Variants in ANKRD24 observed in about 807,000 individuals in gnomAD.
The protein encoded by ANKRD24 is ankyrin repeat domain-containing protein 24.
Under a neutral mutation model 127.8 loss-of-function variants are expected in ANKRD24, and 109 were observed. The ratio of observed to expected loss-of-function variants is 0.85; its 90% CI spans 0.73 to 1.00. The LOEUF is 1.00. Ranked by LOEUF, ANKRD24 falls within the 50% of genes least tolerant of loss-of-function variation. The pLI is 0.00. For synonymous variants in ANKRD24, 743 were observed against 671.1 expected, an observed-to-expected ratio of 1.11 and a Z score of -1.66; for missense variants, 1,648 against 1,570.2, an observed-to-expected ratio of 1.05 and a Z score of -0.84.
At chr19:4,219,450 G>C in intron 18 of ANKRD24, 141 bp from the exon 19 acceptor site, 1 of 895,278 alleles carries the variant, frequency 1.1e-6, no homozygotes, top group South Asian at 2.2e-5. Flanking sequence ...CAGGAGTGCA[G>C]GTCCGGAGCA....
At chr19:4,218,502 G>A (rs1170688536) in intron 18 of ANKRD24, among the ~76,000 whole-genome samples, 4 of 151,792 alleles carry the variant, frequency 2.6e-5, no homozygotes, top group Non-Finnish European at 5.9e-5. Flanking sequence ...AGTTCACCGT[G>A]TTGGCCAGGC....
At position 4,198,475 on chromosome 19, in the gene ANKRD24, G is replaced by A. The variant is rs1226744702; in HGVS notation, c.37-1208G>A. The A allele has an allele frequency of 4.9e-6, 3 of 616,898 alleles. No individual in the cohort carries two copies. The highest frequency in any genetic ancestry group is 8.7e-6 in the Non-Finnish European group (3 of 342,928). 38.2% of individuals were successfully genotyped at this position (616,898 alleles called of 1,614,324 possible). A position where few individuals can be genotyped will look rare whatever the true frequency, so the allele number is the denominator to read the frequency against. ...TCTTGGAACCCCGTGCGCCCCCCGC[G>A]CCCCGCGCCCCGGACGCCATGAAGC... On this transcript the variant is annotated intron_variant, in intron 2 of 21. Coordinates refer to ENST00000318934, the MANE Select transcript of ANKRD24 (RefSeq NM_001393985.1). The surrounding 1 kb of genome is among the most constrained non-coding windows in gnomAD (Gnocchi z 6.1).
Position 4,217,224 on chromosome 19 carries a change from T to C in ANKRD24, c.2064T>C (p.Ser688=). ...RATGMESTGV[S]ATGVENPGVE... ...CAGGGATGGAATCCACAGGAGTCAG[T>C]GCCACAGGTGTGGAGAACCCAGGGG... Residue 688 remains serine (S), a synonymous_variant, in exon 18 of 22, where the codon AGT becomes AGC. Transcript: ENST00000318934. The C allele has an allele frequency of 1.2e-6, 2 of 1,600,996 alleles. No individual in the cohort carries two copies. Among genetic ancestry groups the C allele is most frequent in the African/African-American group, 1.3e-5 (1 of 74,722 alleles).
intron 2 of ANKRD24, among the ~76,000 whole-genome samples, chr19:4,192,020 C>T (rs1312738685): frequency 6.6e-6 from 1 of 151,832 alleles, no homozygotes; most frequent in East Asian, 1.9e-4. Context: ...AACTACTGAC[C>T]TCCAATGAGC....
intron 2 of ANKRD24, among the ~76,000 whole-genome samples, chr19:4,193,192 C>T (rs1356204071): frequency 2.7e-5 from 4 of 148,280 alleles, no homozygotes; most frequent in African/African-American, 5.0e-5. Context: ...ATCCCAGCTA[C>T]TCAGGAGTCT....
intron 2 of ANKRD24, among the ~76,000 whole-genome samples, chr19:4,188,412 CTCTT>C (rs761428180): frequency 2.1e-4 from 25 of 116,392 alleles, no homozygotes; most frequent in Non-Finnish European, 3.2e-4. Flanking sequence ...GAGACAGAGT[CTCTT>C]TCTGTCACCC....
intron 1 of ANKRD24, 195 bp from the exon 2 acceptor site, chr19:4,186,195 A>C: frequency 7.8e-7 from 1 of 1,276,042 alleles, no homozygotes; most frequent in Non-Finnish European, 1.0e-6. Flanking sequence ...AGATGAGGGA[A>C]GTAAAACAGA....
At position 4,198,487 on chromosome 19, in the gene ANKRD24, G is replaced by C. The variant is rs142917916; in HGVS notation, c.37-1196G>C. On this transcript the variant is annotated intron_variant, in intron 2 of 21. Transcript: ENST00000318934. The surrounding 1 kb of genome is among the most constrained non-coding windows in gnomAD (Gnocchi z 6.1). ...GTGCGCCCCCCGCGCCCCGCGCCCC[G>C]GACGCCATGAAGCAGCTGTGTCTGT... 1.2e-3 allele frequency: 757 copies of C among 621,808 alleles called. 3 individuals are homozygous for C. The highest frequency in any genetic ancestry group is 5.0e-3 in the Middle Eastern group (13 of 2,588). 38.5% of individuals were successfully genotyped at this position (621,808 alleles called of 1,614,324 possible).
intron 2 of ANKRD24, among the ~76,000 whole-genome samples, chr19:4,188,950 G>A (rs1436871454): frequency 1.3e-5 from 2 of 152,154 alleles, no homozygotes; most frequent in Non-Finnish European, 2.9e-5. Context: ...TGGGACTACA[G>A]GCGCCTGCCA....
At chr19:4,222,977 A>T (rs1970523643) in intron 20 of ANKRD24, among the ~76,000 whole-genome samples, 182 bp downstream of exon 20, 1 of 151,956 alleles carries the variant, frequency 6.6e-6, no homozygotes, top group Non-Finnish European at 1.5e-5. Context: ...ACAGGGTCTC[A>T]CTCCATCGCC....
intron 2 of ANKRD24, among the ~76,000 whole-genome samples, chr19:4,193,084 T>G (rs1968472492): frequency 6.6e-6 from 1 of 151,820 alleles, no homozygotes; most frequent in Non-Finnish European, 1.5e-5. Flanking sequence ...GTGGATCACT[T>G]GAAGTCAGGA....
rs141458816 is a variant in ANKRD24 at position 4,199,449 on chromosome 19, C to T, written c.37-234C>T. The T allele has an allele frequency of 2.4e-4, 228 of 958,094 alleles. No individual in the cohort carries two copies. The African/African-American group carries it at 3.7e-3, about 16-fold the overall frequency. The allele number at this position is 958,094 out of a possible 1,614,324, so 59.3% of individuals were successfully genotyped here. On this transcript the variant is annotated intron_variant, in intron 2 of 21. Transcript: ENST00000318934. This position sits in a 1 kb window ranked among gnomAD's most constrained non-coding sequence, Gnocchi z 5.2. ...TTTGTCTCAAACTCCTAGGCTCAAG[C>T]GATCCTCCCACCTTGGCCTCCCCAG...
At chr19:4,189,851 G>A (rs1267222240) in intron 2 of ANKRD24, among the ~76,000 whole-genome samples, 4 of 152,040 alleles carry the variant, frequency 2.6e-5, no homozygotes, top group Non-Finnish European at 5.9e-5. Flanking sequence ...ACCTGCTCAA[G>A]GTCACACAGC....
At chr19:4,219,503 A>G in intron 18 of ANKRD24, 88 bp from the exon 19 acceptor site, 1 of 1,459,200 alleles carries the variant, frequency 6.9e-7, no homozygotes, top group South Asian at 1.4e-5. Context: ...AAAACAAAAG[A>G]ACAAAGTAGA....
rs1568340135 is a variant in ANKRD24 at position 4,216,965 on chromosome 19, CAG to C, written c.1806_1807del (p.Ala604Ter). The C allele has an allele frequency of 6.2e-7, 1 of 1,612,624 alleles. No homozygotes were observed. Reference sequence around the variant, plus strand: ...GCCAAGGTCACAGAAACAAAACCCACAGGGGCTGAGGTCAGAGAAATGGAGAC... The same window carrying C: ...GCCAAGGTCACAGAAACAAAACCCACGGGCTGAGGTCAGAGAAATGGAGAC... On this transcript the variant is annotated frameshift_variant, in exon 18 of 22. Transcript: ENST00000318934. LOFTEE classifies it high-confidence loss of function.
At chr19:4,208,730 C>A (rs371819536) in intron 10 of ANKRD24, 34 bp from the exon 11 acceptor site, 1 of 1,606,706 alleles carries the variant, frequency 6.2e-7, no homozygotes, top group African/African-American at 1.3e-5. Context: ...GGCCTGGGAA[C>A]AGAATGCCTG....
At chr19:4,210,037 C>G (rs372205171) in intron 11 of ANKRD24, 21 bp from the exon 12 acceptor site, 16 of 1,573,422 alleles carry the variant, frequency 1.0e-5, no homozygotes, top group Admixed American at 3.5e-5. Flanking sequence ...CCCCTTCACT[C>G]TCTCTCCCCT....
rs77598011 is a variant in ANKRD24, at chr19:4,202,292, G to A, written c.408+202G>A. Reference sequence around the variant, plus strand: ...TATTTAAGATGTACTCCCAAGCCAGGCGCGGTGGCTCACGCCTGTAATCCC... The same window carrying A: ...TATTTAAGATGTACTCCCAAGCCAGACGCGGTGGCTCACGCCTGTAATCCC... On this transcript the variant is annotated intron_variant, in intron 6 of 21. Transcript: ENST00000318934. Among the ~76,000 whole-genome samples, 7 of 152,162 alleles carry A rather than the reference G, an allele frequency of 4.6e-5. No individual in the cohort carries two copies. In the East Asian group the frequency reaches 1.2e-3, roughly 25 times the overall value.
At position 4,217,955 on chromosome 19, in the gene ANKRD24, G is replaced by C; in HGVS notation, c.2795G>C (p.Arg932Pro). ...LQEEALELRGRAASLEQEVVA... is the reference protein window; with the variant it reads ...LQEEALELRGPAASLEQEVVA... Reference sequence around the variant, plus strand: ...GAGGAGGCCCTGGAGCTGCGGGGCCGGGCAGCCAGTCTGGAGCAGGAGGTG... The same window carrying C: ...GAGGAGGCCCTGGAGCTGCGGGGCCCGGCAGCCAGTCTGGAGCAGGAGGTG... The change falls in exon 18 of 22, where the codon CGG becomes CCG. Residue 932 changes from arginine to proline, a missense_variant. By Grantham distance (103) the Arg-to-Pro change is moderately radical. Transcript: ENST00000318934. The C allele has an allele frequency of 6.6e-7, 1 of 1,509,490 alleles. No homozygotes were observed. Among genetic ancestry groups the C allele is most frequent in the Non-Finnish European group, 8.8e-7 (1 of 1,136,564 alleles). 93.5% of individuals were successfully genotyped at this position (1,509,490 alleles called of 1,614,324 possible). A position where few individuals can be genotyped will look rare whatever the true frequency, so the allele number is the denominator to read the frequency against.
Sources: gnomAD v4.1 joint callset for allele counts (sites outside exome capture counted in the v4.1 genomes callset) on GRCh38, gnomAD v4.1.1 for gene constraint, Gnocchi (gnomAD v3.1) non-coding constraint, MANE v1.5 for transcripts, NCBI Gene and HGNC (gene_info 2026-07-23, HGNC 2026-07-21) for gene names.